FANCC: variants seen among roughly 807,000 people sequenced by gnomAD.
FANCC encodes Fanconi anemia group C protein.
A neutral mutation model predicts 71.3 loss-of-function variants in FANCC; 55 were observed. The ratio of observed to expected loss-of-function variants is 0.77; its 90% confidence interval spans 0.62 to 0.97. FANCC has a LOEUF of 0.97. FANCC is among the 50% of genes least tolerant of loss of function. FANCC has a pLI of 0.00. For synonymous variants in FANCC, 275 were observed against 244.9 expected (o/e 1.12, Z -1.15); for missense variants, 678 against 670.9 (o/e 1.01, Z -0.12).
intron 1 of FANCC, among the ~76,000 whole-genome samples, chr9:95,305,057 C>A (rs949488737): frequency 6.6e-6 from 1 of 152,126 alleles, no homozygotes; most frequent in Non-Finnish European, 1.5e-5. Context: ...CACTGAGGAT[C>A]GCTTACAAAC....
chr9:95,179,823 T>TGTTGAGG (rs1826231810), intron 4 of FANCC, among the ~76,000 whole-genome samples: 1 of 152,346 alleles, frequency 6.6e-6, no homozygotes, highest in East Asian at 1.9e-4. Context: ...GATGAGTAGT[T>TGTTGAGG]GTTGAGGCTG....
intron 4 of FANCC, among the ~76,000 whole-genome samples, chr9:95,215,811 G>A (rs1319194220): frequency 2.0e-5 from 3 of 152,342 alleles, no homozygotes; most frequent in East Asian, 1.9e-4. Flanking sequence ...GAGTAAGCAC[G>A]GAGGTGACTC....
intron 1 of FANCC, among the ~76,000 whole-genome samples, chr9:95,307,769 T>TTCA (rs776759032): frequency 6.6e-6 from 1 of 152,330 alleles, no homozygotes; most frequent in Non-Finnish European, 1.5e-5. Context: ...CAGCCAGGAT[T>TTCA]TCACTCCTGC....
At chr9:95,142,754 G>C (rs919483875) in intron 7 of FANCC, among the ~76,000 whole-genome samples, 1 of 152,118 alleles carries the variant, frequency 6.6e-6, no homozygotes, top group Admixed American at 6.5e-5. Flanking sequence ...TTAACACTCA[G>C]AGCCACCCCG....
chr9:95,247,671 T>C (rs1428598601), intron 2 of FANCC, among the ~76,000 whole-genome samples, 155 bp from the exon 3 acceptor site: 6 of 152,204 alleles, frequency 3.9e-5, no homozygotes, highest in Admixed American at 3.9e-4. Context: ...TTTAGGTAAG[T>C]AATTCAAATA....
intron 7 of FANCC, among the ~76,000 whole-genome samples, chr9:95,142,172 T>C (rs1828851804): frequency 6.6e-6 from 1 of 152,006 alleles, no homozygotes; most frequent in Admixed American, 6.6e-5. Context: ...TTTGTATTTT[T>C]AGTAGAGATG....
chr9:95,293,912 A>G, intron 1 of FANCC: 1 of 1,596,166 alleles, frequency 6.3e-7, no homozygotes, highest in Non-Finnish European at 8.6e-7. Flanking sequence ...CATTCATCAT[A>G]TAATGTTGCT....
At position 95,291,979 on chromosome 9, in the gene FANCC, T is replaced by TATAC. The variant is rs1834046341; in HGVS notation, c.-79+25546_-79+25547insGTAT. Among the ~76,000 whole-genome samples the TATAC allele has an allele frequency of 2.3e-5, 3 of 131,286 alleles. No homozygotes were observed. In the East Asian group the frequency reaches 6.7e-4, roughly 29 times the overall value. The allele number at this position is 131,286 out of a possible 152,430, so 86.1% of individuals were successfully genotyped here. On this transcript the variant is annotated intron_variant, in intron 1 of 14. Transcript: ENST00000289081. ...AAAAAAAAAAAAAAATATATATATA[T>TATAC]ATATATATATATATTAAGACCCCAA...
At chr9:95,202,932 A>G (rs181749005) in intron 4 of FANCC, among the ~76,000 whole-genome samples, 1 of 152,334 alleles carries the variant, frequency 6.6e-6, no homozygotes, top group Admixed American at 6.5e-5. Context: ...GGTAATCTAC[A>G]ATGTTTGTTA....
chr9:95,124,066 T>G (rs561708485), intron 10 of FANCC, among the ~76,000 whole-genome samples: 1 of 127,952 alleles, frequency 7.8e-6, no homozygotes, highest in African/African-American at 3.0e-5. Context: ...ATCACATCAC[T>G]GCACTCCAGC....
chr9:95,304,588 CG>C (rs776833220), intron 1 of FANCC, among the ~76,000 whole-genome samples: 20 of 5,548 alleles, frequency 3.6e-3, no homozygotes, highest in Admixed American at 5.1e-3. Flanking sequence ...CTACTAAAAA[CG>C]AAAAAAAAAA....
intron 4 of FANCC, among the ~76,000 whole-genome samples, chr9:95,201,718 TGTTG>T (rs939148748): frequency 6.6e-5 from 10 of 152,356 alleles, no homozygotes; most frequent in African/African-American, 2.4e-4. Flanking sequence ...CACTGAAATC[TGTTG>T]GTTGAGTACC....
intron 4 of FANCC, among the ~76,000 whole-genome samples, chr9:95,219,250 T>C (rs1282591992): frequency 1.3e-5 from 2 of 152,170 alleles, no homozygotes; most frequent in Admixed American, 1.3e-4. Flanking sequence ...CAGCTGAGTC[T>C]CTGTGAAGCA....
At chr9:95,124,244 AG>A (rs1282327741) in intron 10 of FANCC, among the ~76,000 whole-genome samples, 1 of 152,078 alleles carries the variant, frequency 6.6e-6, no homozygotes, top group East Asian at 1.9e-4. Context: ...AGAGCTTCAC[AG>A]GGGCCGTGAC....
intron 1 of FANCC, among the ~76,000 whole-genome samples, chr9:95,269,685 G>A (rs148882085): frequency 9.2e-5 from 14 of 152,162 alleles, no homozygotes; most frequent in Admixed American, 6.5e-4. Context: ...AGACTCACTC[G>A]AACAATTCAC....
At position 95,111,492 on chromosome 9, in the gene FANCC, C is replaced by G. The variant is rs864622522; in HGVS notation, c.1300G>C (p.Asp434His). The G allele has an allele frequency of 1.2e-6, 2 of 1,613,788 alleles. No homozygotes were observed. The highest frequency in any genetic ancestry group is 2.7e-5 in the African/African-American group (2 of 74,944). ...WLLAFYYGPR[D>H]GRQQRAQTMV... ...GTCTGTGCTCTCTGCTGCCTCCCAT[C>G]ACGGGGGCCGTAGTAGAAGGCCAAG... Residue 434 changes from aspartate to histidine, a missense_variant, in exon 13 of 15, where the codon GAT becomes CAT. Physicochemically the swap from Asp to His is moderately conservative, Grantham distance 81. Transcript: ENST00000289081.
intron 6 of FANCC, among the ~76,000 whole-genome samples, chr9:95,163,139 G>A (rs1169812488): frequency 6.6e-6 from 1 of 152,156 alleles, no homozygotes; most frequent in Admixed American, 6.5e-5. Context: ...GTTCAAATTT[G>A]TTTTCTCAAT....
At chr9:95,292,425 TCCG>T in intron 1 of FANCC, 1 of 1,106,308 alleles carries the variant, frequency 9.0e-7, no homozygotes, top group Non-Finnish European at 1.1e-6. Flanking sequence ...GAGAGGAGCC[TCCG>T]CCGCCGCCTC....
intron 4 of FANCC, among the ~76,000 whole-genome samples, chr9:95,219,773 AC>A (rs1401206563): frequency 6.6e-6 from 1 of 152,140 alleles, no homozygotes; most frequent in Non-Finnish European, 1.5e-5. Flanking sequence ...CTAGAAGAAA[AC>A]CTAGGCGTAC....
Sources: gnomAD v4.1 joint callset for allele counts (sites outside exome capture counted in the v4.1 genomes callset) on GRCh38, gnomAD v4.1.1 for gene constraint, MANE v1.5 for transcripts, NCBI Gene and HGNC (gene_info 2026-07-23, HGNC 2026-07-21) for gene names.